Variants in RALGAPA2 observed in about 807,000 individuals in gnomAD.
RALGAPA2 encodes Ral GTPase activating protein catalytic subunit alpha 2.
In RALGAPA2, 139 loss-of-function variants were observed where a neutral mutation model predicts 230.4. The observed-to-expected ratio is 0.60, with a 90% CI of 0.53 to 0.69. The LOEUF (loss-of-function observed/expected upper bound fraction) is 0.69. RALGAPA2 is among the 30% of genes least tolerant of loss of function. RALGAPA2 has a pLI of 0.00. For missense variants in RALGAPA2, 2,163 were observed against 2,276.0 expected (o/e 0.95, Z 1.01); for synonymous variants, 847 against 837.8 (o/e 1.01, Z -0.19).
At chr20:20,585,199 T>C (rs952650029) in intron 18 of RALGAPA2, among the ~76,000 whole-genome samples, 1 of 152,204 alleles carries the variant, frequency 6.6e-6, no homozygotes, top group Non-Finnish European at 1.5e-5. Context: ...ATTAAATTGA[T>C]CTAAGAAGGA....
chr20:20,405,752 GCTT>G (rs1156629050), intron 38 of RALGAPA2, among the ~76,000 whole-genome samples: 1 of 152,150 alleles, frequency 6.6e-6, no homozygotes, highest in Non-Finnish European at 1.5e-5. Flanking sequence ...CTCCACACCG[GCTT>G]CTTATCAGAT....
chr20:20,686,730 C>T (rs930475507), intron 1 of RALGAPA2, among the ~76,000 whole-genome samples: 2 of 152,186 alleles, frequency 1.3e-5, no homozygotes, highest in African/African-American at 4.8e-5. Flanking sequence ...TACACACCCA[C>T]AAAACCAGTG....
rs748667262 is a variant in RALGAPA2, at chr20:20,583,136, T to G, written c.2621A>C (p.Glu874Ala). 7.4e-6 allele frequency: 12 copies of G among 1,613,626 alleles called. No homozygotes were observed. The highest frequency in any genetic ancestry group is 1.0e-5 in the Non-Finnish European group (12 of 1,179,752). ...GPWQTCEEDP[E>A]LNTPTDVVAD... ...CACAACATCTGTGGGAGTATTCAGT[T>G]CTGGGTCTTCCTCACAGGTCTGCCA... Residue 874 changes from glutamate to alanine, a missense_variant, in exon 20 of 40, where the codon GAA (glutamate) becomes GCA (alanine). Physicochemically the swap from Glu to Ala is moderately radical, Grantham distance 107 (BLOSUM62 -1). Coordinates refer to ENST00000202677, the MANE Select transcript of RALGAPA2 (RefSeq NM_020343.4).
intron 3 of RALGAPA2, among the ~76,000 whole-genome samples, chr20:20,655,639 G>A (rs897693047): frequency 1.3e-5 from 2 of 152,154 alleles, no homozygotes; most frequent in African/African-American, 4.8e-5. Context: ...GGGGCTTAAT[G>A]TCCTCATGGG....
chr20:20,472,742 T>A, intron 37 of RALGAPA2, 87 bp downstream of exon 37: 1 of 1,456,758 alleles, frequency 6.9e-7, no homozygotes, highest in Non-Finnish European at 9.2e-7. Context: ...TTCAATTCAG[T>A]TTTGAATACT....
At chr20:20,607,114 T>A (rs1474445426) in intron 14 of RALGAPA2, among the ~76,000 whole-genome samples, 1 of 152,228 alleles carries the variant, frequency 6.6e-6, no homozygotes, top group Non-Finnish European at 1.5e-5. Context: ...TTGTCAGGAA[T>A]TCTTCTTTGC....
chr20:20,557,708 AC>A (rs2064126627), intron 23 of RALGAPA2, among the ~76,000 whole-genome samples: 1 of 152,236 alleles, frequency 6.6e-6, no homozygotes, highest in South Asian at 2.1e-4. Flanking sequence ...AAAAATAAGT[AC>A]GGAAAACACA....
chr20:20,624,328 CAAA>C (rs748683871), intron 10 of RALGAPA2, among the ~76,000 whole-genome samples: 5 of 49,162 alleles, frequency 1.0e-4, no homozygotes, highest in East Asian at 4.8e-4. Context: ...ACTCCATCTC[CAAA>C]AAAAAAAAAA....
At chr20:20,427,167 C>T (rs928067) in intron 37 of RALGAPA2, among the ~76,000 whole-genome samples, 91,646 of 151,850 alleles carry the variant, frequency 0.6, 27,620 homozygotes, top group African/African-American at 0.64. Flanking sequence ...CTGCTGTTTT[C>T]ATAGAAAGCT....
rs146361673 is a variant in RALGAPA2 at position 20,535,077 on chromosome 20, G to A, written c.3473+668C>T. On this transcript the variant is annotated intron_variant, in intron 26 of 39. Coordinates refer to ENST00000202677, the MANE Select transcript of RALGAPA2 (RefSeq NM_020343.4). ...CTGGTAAGGCAGTGATGAATGATGG[G>A]CTGCTGTCTTGGAATGAGGCTACAG... is the stretch of plus-strand genomic sequence containing the variant. Among the ~76,000 whole-genome samples, 46 of 152,294 alleles carry A rather than the reference G, an allele frequency of 3.0e-4. 1 individual carries two copies. In the East Asian group the frequency reaches 8.5e-3, roughly 28 times the overall value.
At chr20:20,514,119 C>A (rs2062802312) in intron 31 of RALGAPA2, among the ~76,000 whole-genome samples, 1 of 150,970 alleles carries the variant, frequency 6.6e-6, no homozygotes, top group Non-Finnish European at 1.5e-5. Flanking sequence ...CCTGTGCACA[C>A]ATCATGGTAT....
intron 23 of RALGAPA2, among the ~76,000 whole-genome samples, chr20:20,561,797 T>C (rs2064264472): frequency 6.6e-6 from 1 of 152,246 alleles, no homozygotes; most frequent in Admixed American, 6.5e-5. Context: ...TCTGCAGAAG[T>C]ACTCCTTTAG....
chr20:20,666,716 G>T (rs2067966972), intron 3 of RALGAPA2, among the ~76,000 whole-genome samples: 2 of 152,172 alleles, frequency 1.3e-5, no homozygotes, highest in African/African-American at 4.8e-5. Context: ...TATAAGAAAA[G>T]CCATTAGCCA....
intron 37 of RALGAPA2, chr20:20,472,461 C>T (rs6075664): frequency 0.023 from 3,636 of 154,950 alleles, 53 homozygotes; most frequent in African/African-American, 0.033. Context: ...ATGAGCGATA[C>T]GTTTTGCTCA....
chr20:20,435,105 C>A (rs1346314156), intron 37 of RALGAPA2, among the ~76,000 whole-genome samples: 1 of 152,210 alleles, frequency 6.6e-6, no homozygotes, highest in African/African-American at 2.4e-5. Flanking sequence ...GCCATGTTTG[C>A]CAATGCTTGA....
chr20:20,487,434 A>G (rs913878181), intron 36 of RALGAPA2, among the ~76,000 whole-genome samples: 1 of 152,220 alleles, frequency 6.6e-6, no homozygotes, highest in Non-Finnish European at 1.5e-5. Flanking sequence ...GAAGCATTCT[A>G]TAGTCCTAGG....
intron 39 of RALGAPA2, among the ~76,000 whole-genome samples, chr20:20,394,691 G>A (rs2059670796): frequency 6.6e-6 from 1 of 151,858 alleles, no homozygotes; most frequent in Non-Finnish European, 1.5e-5. Flanking sequence ...TTCTGACAAA[G>A]GCAGCACAGC....
chr20:20,549,551 G>C (rs1157333515), intron 23 of RALGAPA2, among the ~76,000 whole-genome samples: 1 of 152,134 alleles, frequency 6.6e-6, no homozygotes, highest in Non-Finnish European at 1.5e-5. Context: ...GGTTAAAGAG[G>C]GAACTATATG....
intron 24 of RALGAPA2, among the ~76,000 whole-genome samples, chr20:20,542,347 T>C (rs537689773): frequency 6.6e-6 from 1 of 152,318 alleles, no homozygotes; most frequent in South Asian, 2.1e-4. Context: ...AAGTAATTTA[T>C]AGATTCAATG....
Sources: allele counts gnomAD v4.1 joint callset (sites outside exome capture counted in the v4.1 genomes callset), GRCh38; gene constraint gnomAD v4.1.1; transcripts MANE v1.5; gene names NCBI Gene and HGNC (gene_info 2026-07-23, HGNC 2026-07-21).